MBP: variants seen among roughly 807,000 people sequenced by gnomAD.
The protein encoded by MBP is myelin basic protein.
Under a neutral mutation model 35.8 loss-of-function variants are expected in MBP, and 16 were observed. The ratio of observed to expected loss-of-function variants is 0.45; its 90% CI spans 0.30 to 0.68. MBP has a LOEUF of 0.68. MBP is among the 30% of genes least tolerant of loss of function. The probability of loss-of-function intolerance (pLI) is 0.08; values close to 1 mark genes in which losing one functional copy is unlikely to be tolerated. For synonymous variants in MBP, 143 were observed against 159.6 expected, an observed-to-expected ratio of 0.90 and a Z score of 0.78; for missense variants, 380 against 404.7, an observed-to-expected ratio of 0.94 and a Z score of 0.52.
intron 2 of MBP, chr18:77,067,956 GCCAGGGC>G: frequency 2.3e-6 from 1 of 426,074 alleles, no homozygotes; most frequent in Non-Finnish European, 4.7e-6. Context: ...GCTCACACCA[GCCAGGGC>G]CCTACACTCC....
Position 77,132,783 on chromosome 18 carries a change from T to C in MBP, c.-229A>G, listed in dbSNP as rs1419926974. 5 of 152,012 alleles carry C rather than the reference T, an allele frequency of 3.3e-5. No individual in the cohort carries two copies. Among genetic ancestry groups the C allele is most frequent in the Admixed American group, 3.3e-4 (5 of 15,256 alleles). The allele number at this position is 152,012 out of a possible 1,614,324, so 9.4% of individuals were successfully genotyped here. A position where few individuals can be genotyped will look rare whatever the true frequency, so the allele number is the denominator to read the frequency against. Reference sequence around the variant, plus strand: ...CTCTCTGGCGCGCGGCGGCGGTGACTGACGGCGGCGGCTCCGAGGGACGGG... The same window carrying C: ...CTCTCTGGCGCGCGGCGGCGGTGACCGACGGCGGCGGCTCCGAGGGACGGG... On this transcript the variant is annotated 5_prime_UTR_variant, in exon 1 of 9. Coordinates refer to ENST00000355994, the MANE Select transcript of MBP (RefSeq NM_001025101.2).
At position 76,988,038 on chromosome 18, in the gene MBP, CCT is replaced by C. The variant is rs1969656353; in HGVS notation, c.750+455_750+456del. ...TTATAAATCGAGCAACTCTATTTAGCCTCTTTTTCTGTTCATCAGCAGAATCA... is the reference window on the plus strand; with the variant it reads ...TTATAAATCGAGCAACTCTATTTAGCCTTTTTCTGTTCATCAGCAGAATCA... On this transcript the variant is annotated intron_variant, in intron 7 of 8. Coordinates refer to ENST00000355994, the MANE Select transcript of MBP (RefSeq NM_001025101.2). The surrounding 1 kb of genome is among the most constrained non-coding windows in gnomAD (Gnocchi z 5.2). 4 of 1,400,078 alleles carry C rather than the reference CCT, an allele frequency of 2.9e-6. No individual in the cohort carries two copies. Among genetic ancestry groups the C allele is most frequent in the Non-Finnish European group, 3.7e-6 (4 of 1,076,678 alleles). 86.7% of individuals were successfully genotyped at this position (1,400,078 alleles called of 1,614,324 possible).
At chr18:77,118,871 C>A (rs12955050) in intron 1 of MBP, among the ~76,000 whole-genome samples, 7,312 of 151,386 alleles carry the variant, frequency 0.048, 385 homozygotes, top group East Asian at 0.2. Context: ...ACTCCACAGA[C>A]ACTTCACACA....
In MBP at chr18:76,989,090, T is replaced by C. The variant is rs1969744698; in HGVS notation, c.682-178A>G. 1 of 723,878 alleles carries C rather than the reference T, an allele frequency of 1.4e-6. No homozygotes were observed. The highest frequency in any genetic ancestry group is 1.7e-5 in the African/African-American group (1 of 57,710). 44.8% of individuals were successfully genotyped at this position (723,878 alleles called of 1,614,324 possible). A position where few individuals can be genotyped will look rare whatever the true frequency, so the allele number is the denominator to read the frequency against. The stretch of plus-strand genomic sequence containing the variant: ...AGAAGTATAGACCTGAGATTGAAAA[T>C]ATTCTAGATGATGCAGATCTCCCAG... On this transcript the variant is annotated intron_variant, in intron 5 of 8. Coordinates refer to ENST00000355994, the MANE Select transcript of MBP (RefSeq NM_001025101.2). The surrounding 1 kb of genome is among the most constrained non-coding windows in gnomAD (Gnocchi z 4.0).
chr18:77,020,128 T>C lies in MBP; in HGVS notation c.140-2860A>G, dbSNP rs2123497148. Among the ~76,000 whole-genome samples the C allele has an allele frequency of 6.6e-6, 1 of 152,080 alleles. No homozygotes were observed. The highest frequency in any genetic ancestry group is 2.4e-5 in the African/African-American group (1 of 41,468). The stretch of plus-strand genomic sequence containing the variant: ...AGTGGACGGCCTCTGTGGAGGGATA[T>C]GATGGAGATGGTGGTACCCAGAGGC... On this transcript the variant is annotated intron_variant, in intron 3 of 8. Coordinates refer to ENST00000355994, the MANE Select transcript of MBP (RefSeq NM_001025101.2). This position sits in a 1 kb window ranked among gnomAD's most constrained non-coding sequence, Gnocchi z 4.1.
chr18:77,043,480 G>A (rs894879994), intron 3 of MBP, among the ~76,000 whole-genome samples: 3 of 152,194 alleles, frequency 2.0e-5, no homozygotes, highest in African/African-American at 7.2e-5. Flanking sequence ...CGTGGCATCT[G>A]AAAATGTAAA....
chr18:76,979,509 C>T lies in MBP; in HGVS notation c.*918G>A, dbSNP rs569615370. 2.4e-5 allele frequency: 4 copies of T among 165,064 alleles called. No individual in the cohort carries two copies. The South Asian group carries it at 5.0e-4, about 21-fold the overall frequency. The allele number at this position is 165,064 out of a possible 1,614,324, so 10.2% of individuals were successfully genotyped here. ...TGTCTATGGGCGACTGGCGCGGCTG[C>T]GAGGCTGTCTAGAGGACTCCTACCC... is the stretch of plus-strand genomic sequence containing the variant. On this transcript the variant is annotated 3_prime_UTR_variant, in exon 9 of 9. Coordinates refer to ENST00000355994, the MANE Select transcript of MBP (RefSeq NM_001025101.2).
intron 2 of MBP, 108 bp from the exon 3 acceptor site, chr18:77,066,493 T>G: frequency 1.2e-6 from 1 of 814,662 alleles, no homozygotes; most frequent in Non-Finnish European, 2.2e-6. Context: ...GATAATCAGT[T>G]TCACATCTGT....
intron 1 of MBP, among the ~76,000 whole-genome samples, chr18:77,105,736 T>G (rs950654448): frequency 3.3e-5 from 5 of 152,208 alleles, no homozygotes; most frequent in African/African-American, 1.2e-4. Flanking sequence ...AAGAAGCTAT[T>G]CATGCTCACT....
intron 8 of MBP, chr18:76,981,957 T>TC (rs1969228931): frequency 6.6e-6 from 1 of 152,242 alleles, no homozygotes; most frequent in South Asian, 2.1e-4. Flanking sequence ...TGGAGTAAGT[T>TC]CCCTGCAGCC....
chr18:77,015,395 G>A (rs1971571602), intron 4 of MBP: 30 of 985,432 alleles, frequency 3.0e-5, no homozygotes, highest in Non-Finnish European at 3.4e-5. Context: ...CATGTCTGGT[G>A]TGGTTTGATA....
chr18:77,016,627 A>G (rs902141142), intron 4 of MBP: 1 of 1,415,570 alleles, frequency 7.1e-7, no homozygotes, highest in South Asian at 1.6e-5. Context: ...CTTGTGAGGA[A>G]AAGAGGGGGT....
intron 3 of MBP, among the ~76,000 whole-genome samples, chr18:77,050,034 A>C (rs1973422837): frequency 6.6e-6 from 1 of 152,204 alleles, no homozygotes; most frequent in Non-Finnish European, 1.5e-5. Context: ...CTATGGAAAC[A>C]AGTGCTATTT....
chr18:77,057,951 C>G (rs1463403329), intron 3 of MBP, among the ~76,000 whole-genome samples: 1 of 57,606 alleles, frequency 1.7e-5, no homozygotes. Flanking sequence ...CTCAGCCTCC[C>G]GAGTAGCTGG....
At chr18:77,006,519 G>C (rs1970986815) in intron 4 of MBP, 1 of 153,472 alleles carries the variant, frequency 6.5e-6, no homozygotes, top group Admixed American at 6.5e-5. Flanking sequence ...CGGGCAGGCA[G>C]GGGCTGAGCA....
intron 1 of MBP, among the ~76,000 whole-genome samples, chr18:77,123,599 A>G (rs1490190209): frequency 6.6e-6 from 1 of 152,024 alleles, no homozygotes; most frequent in African/African-American, 2.4e-5. Flanking sequence ...CCTGGGCCCG[A>G]CCCCAAGACT....
intron 2 of MBP, among the ~76,000 whole-genome samples, chr18:77,077,356 G>A (rs1266857830): frequency 7.5e-5 from 1 of 13,330 alleles, no homozygotes; most frequent in Non-Finnish European, 2.2e-4. Flanking sequence ...AGACTCCGTC[G>A]CAAAAAAAAA....
intron 3 of MBP, among the ~76,000 whole-genome samples, chr18:77,018,585 C>T (rs1206666687): frequency 6.9e-6 from 1 of 145,586 alleles, no homozygotes; most frequent in Admixed American, 6.8e-5. Context: ...TCCATTCATC[C>T]ATCCACCCAC....
intron 7 of MBP, chr18:76,985,582 G>T (rs1396156932): frequency 9.1e-7 from 1 of 1,095,144 alleles, no homozygotes; most frequent in African/African-American, 1.7e-5. Flanking sequence ...GGAGGCCGGG[G>T]CTGCTGAGCC....
Sources: gnomAD v4.1 joint callset for allele counts (sites outside exome capture counted in the v4.1 genomes callset) on GRCh38, gnomAD v4.1.1 for gene constraint, Gnocchi (gnomAD v3.1) non-coding constraint, MANE v1.5 for transcripts, NCBI Gene and HGNC (gene_info 2026-07-23, HGNC 2026-07-21) for gene names.